The following PDE1C variants were observed in gnomAD, a reference collection of about 807,000 sequenced individuals.
The protein encoded by PDE1C is phosphodiesterase 1C.
A neutral mutation model predicts 93.1 loss-of-function variants in PDE1C; 62 were observed. The ratio of observed to expected loss-of-function variants is 0.67; its 90% CI spans 0.54 to 0.82. The LOEUF (loss-of-function observed/expected upper bound fraction) is 0.82. PDE1C is among the 40% of genes least tolerant of loss of function. PDE1C has a pLI of 0.00. For synonymous variants in PDE1C, 325 were observed against 310.1 expected (o/e 1.05, Z -0.50); for missense variants, 742 against 884.6 (o/e 0.84, Z 2.04).
intron 2 of PDE1C, among the ~76,000 whole-genome samples, chr7:31,970,023 A>G (rs1810702137): frequency 1.3e-5 from 2 of 152,192 alleles, no homozygotes; most frequent in South Asian, 4.1e-4. Flanking sequence ...GGATAGCATT[A>G]GGAGATATAC....
intron 7 of PDE1C, among the ~76,000 whole-genome samples, chr7:31,858,759 G>A (rs1025330399): frequency 6.6e-6 from 1 of 151,906 alleles, no homozygotes; most frequent in African/African-American, 2.4e-5. Context: ...ATATTCTACT[G>A]TATGCTAGGC....
intron 16 of PDE1C, among the ~76,000 whole-genome samples, chr7:31,796,638 A>G (rs963824085): frequency 1.3e-5 from 2 of 151,740 alleles, no homozygotes; most frequent in Non-Finnish European, 2.9e-5. Context: ...AGTCCATAGC[A>G]AAAAAGGAAC....
At chr7:32,382,516 A>T (rs1363502301) in intron 1 of PDE1C, among the ~76,000 whole-genome samples, 1 of 152,074 alleles carries the variant, frequency 6.6e-6, no homozygotes, top group African/African-American at 2.4e-5. Context: ...GACCATCTGG[A>T]TATCTTGGCA....
intron 1 of PDE1C, among the ~76,000 whole-genome samples, chr7:32,323,831 C>A (rs1039502515): frequency 6.6e-6 from 1 of 152,176 alleles, no homozygotes; most frequent in Non-Finnish European, 1.5e-5. Context: ...AAATCCCCCA[C>A]CCCAGCATGG....
chr7:31,800,078 A>G (rs945585084), intron 16 of PDE1C, among the ~76,000 whole-genome samples: 5 of 151,652 alleles, frequency 3.3e-5, no homozygotes, highest in African/African-American at 1.2e-4. Flanking sequence ...TATCTTCTCT[A>G]GTGAAAAGTT....
intron 7 of PDE1C, 34 bp from the exon 8 acceptor site, chr7:31,850,775 G>C: frequency 6.8e-7 from 1 of 1,471,968 alleles, no homozygotes; most frequent in Non-Finnish European, 9.5e-7. Flanking sequence ...CAGATAATCT[G>C]TTTCTTTCTC....
At chr7:32,313,549 T>C (rs1247179933) in intron 1 of PDE1C, among the ~76,000 whole-genome samples, 8 of 152,082 alleles carry the variant, frequency 5.3e-5, no homozygotes, top group South Asian at 4.2e-4. Flanking sequence ...ATGGCACATA[T>C]ACACCATGGA....
chr7:32,205,785 C>T (rs571687276), intron 2 of PDE1C, among the ~76,000 whole-genome samples: 66 of 152,148 alleles, frequency 4.3e-4, no homozygotes, highest in Non-Finnish European at 7.6e-4. Flanking sequence ...AGGAAAACAA[C>T]TCCAGACATG....
intron 2 of PDE1C, among the ~76,000 whole-genome samples, chr7:31,963,621 C>T (rs1299082163): frequency 1.3e-5 from 2 of 152,092 alleles, no homozygotes; most frequent in Non-Finnish European, 2.9e-5. Context: ...TAATCTGTTA[C>T]ATTTTAGAAG....
chr7:32,237,026 CA>C (rs1480597360), intron 1 of PDE1C, among the ~76,000 whole-genome samples: 2 of 145,146 alleles, frequency 1.4e-5, no homozygotes. Flanking sequence ...TATTCTGAGT[CA>C]AAAAAAAGTC....
At chr7:32,163,857 G>T (rs1056605432) in intron 3 of PDE1C, among the ~76,000 whole-genome samples, 4 of 152,158 alleles carry the variant, frequency 2.6e-5, no homozygotes, top group Admixed American at 6.5e-5. Flanking sequence ...AGAGTTGGGG[G>T]TGTAGAGGAT....
At chr7:31,635,236 C>A in the PDE1C span, among the ~76,000 whole-genome samples, 2 of 152,122 alleles carry the variant, frequency 1.3e-5, no homozygotes, top group South Asian at 2.1e-4. Flanking sequence ...ATTTGGAAAT[C>A]CTACATCTAG....
intron 1 of PDE1C, among the ~76,000 whole-genome samples, chr7:32,307,034 T>C (rs528982135): frequency 6.6e-6 from 1 of 152,352 alleles, no homozygotes; most frequent in African/African-American, 2.4e-5. Context: ...CACCTCTGAC[T>C]TCCTGGAGAG....
At chr7:32,244,047 T>C (rs1426342054) in intron 1 of PDE1C, among the ~76,000 whole-genome samples, 2 of 152,164 alleles carry the variant, frequency 1.3e-5, no homozygotes, top group Non-Finnish European at 2.9e-5. Context: ...CTCAGTGAGT[T>C]CCTTCTACAT....
chr7:31,778,001 G>A (rs1783127802), intron 16 of PDE1C, among the ~76,000 whole-genome samples: 1 of 152,112 alleles, frequency 6.6e-6, no homozygotes, highest in African/African-American at 2.4e-5. Context: ...TGACTTCCAA[G>A]CTCCTTGATT....
the PDE1C span, among the ~76,000 whole-genome samples, chr7:31,624,226 C>T: frequency 3.4e-5 from 5 of 146,338 alleles, no homozygotes; most frequent in Non-Finnish European, 6.1e-5. Flanking sequence ...AATGCCATCC[C>T]CATCAAGCTA....
At chr7:31,994,261 A>T (rs985075620) in intron 2 of PDE1C, among the ~76,000 whole-genome samples, 1 of 152,154 alleles carries the variant, frequency 6.6e-6, no homozygotes. Flanking sequence ...TCTCACCTGG[A>T]TGTGTAATTC....
rs1583450537 is a variant in PDE1C at position 31,815,928 on chromosome 7, C to T, written c.1809G>A (p.Gln603=). The T allele has an allele frequency of 6.2e-7, 1 of 1,605,484 alleles. No homozygotes were observed. The highest frequency in any genetic ancestry group is 2.2e-5 in the East Asian group (1 of 44,816). The change falls in exon 15 of 18, where the codon CAG becomes CAA. Residue 603 remains glutamine, a synonymous_variant. Coordinates refer to ENST00000396191, the MANE Select transcript of PDE1C (RefSeq NM_001191057.4). ...KAEKSSGEQQ[Q]NGDFKDGKNK... is the part of the protein sequence containing the mutation. ...CACCAGTGTAAGTCTACTCACCATT[C>T]TGTTGCTGTTCTCCTGATGACTTCT... is the stretch of plus-strand genomic sequence containing the variant.
intron 1 of PDE1C, among the ~76,000 whole-genome samples, chr7:32,357,910 T>C (rs747226906): frequency 5.3e-5 from 8 of 152,242 alleles, no homozygotes; most frequent in Non-Finnish European, 1.0e-4. Context: ...CAGCTTCATC[T>C]GGAGACTCAA....
Sources: allele counts gnomAD v4.1 joint callset (sites outside exome capture counted in the v4.1 genomes callset), GRCh38; gene constraint gnomAD v4.1.1; transcripts MANE v1.5; gene names NCBI Gene and HGNC (gene_info 2026-07-23, HGNC 2026-07-21).